The following GLIS3 variants were observed in gnomAD, a reference collection of about 807,000 sequenced individuals.
GLIS3 encodes the protein GLIS family zinc finger 3.
In GLIS3, 53 loss-of-function variants were observed where a neutral mutation model predicts 78.6. The observed-to-expected ratio is 0.67, with a 90% CI of 0.54 to 0.85. GLIS3 has a LOEUF of 0.85. Among genes scored for constraint, GLIS3 ranks in the 40% least tolerant of loss-of-function variants. GLIS3 has a pLI of 0.00. For missense variants in GLIS3, 1,703 were observed against 1,231.1 expected (o/e 1.38, Z -5.74); for synonymous variants, 684 against 509.9 (o/e 1.34, Z -4.60).
chr9:4,189,848 G>C (rs1818165779), intron 2 of GLIS3, among the ~76,000 whole-genome samples: 1 of 151,758 alleles, frequency 6.6e-6, no homozygotes, highest in African/African-American at 2.4e-5. Flanking sequence ...CCATTTGCTT[G>C]GTAGATCTTC....
the GLIS3 span, among the ~76,000 whole-genome samples, chr9:4,397,089 G>C: frequency 8.5e-4 from 118 of 138,358 alleles, 1 homozygote; most frequent in African/African-American, 3.1e-3. Flanking sequence ...GCAGTGGCGC[G>C]ATCTTGGCTC....
chr9:3,971,979 C>T (rs887874305), intron 4 of GLIS3, among the ~76,000 whole-genome samples: 4 of 152,072 alleles, frequency 2.6e-5, no homozygotes, highest in Non-Finnish European at 4.4e-5. Context: ...GGAAAGATCC[C>T]GCTATTTGTG....
upstream of GLIS3, among the ~76,000 whole-genome samples, chr9:4,353,137 G>A (rs190073153): frequency 6.6e-6 from 1 of 152,200 alleles, no homozygotes; most frequent in East Asian, 1.9e-4. Flanking sequence ...CGAAATTTCT[G>A]TTGCTCTGAG....
the GLIS3 span, among the ~76,000 whole-genome samples, chr9:4,374,929 G>A: frequency 6.6e-6 from 1 of 152,008 alleles, no homozygotes; most frequent in East Asian, 1.9e-4. Context: ...TTTCTATGTG[G>A]TGAAATATTA....
rs1817678829 is a variant in GLIS3, at chr9:3,825,502, G to C, written c.*2770C>G. 1 of 151,762 alleles carries C rather than the reference G, an allele frequency of 6.6e-6. No individual in the cohort carries two copies. The highest frequency in any genetic ancestry group is 2.4e-5 in the African/African-American group (1 of 41,290). The allele number at this position is 151,762 out of a possible 1,614,324, so 9.4% of individuals were successfully genotyped here. A position where few individuals can be genotyped will look rare whatever the true frequency, so the allele number is the denominator to read the frequency against. ...TTCACAAGCACTAGTTTTGTGTTTT[G>C]TTTCTGTTTTTAAGGGGAATGACAA... is the stretch of plus-strand genomic sequence containing the variant. On this transcript the variant is annotated 3_prime_UTR_variant, in exon 11 of 11. Transcript: ENST00000381971.
intron 2 of GLIS3, among the ~76,000 whole-genome samples, chr9:4,335,129 T>C (rs955481853): frequency 5.3e-5 from 8 of 152,032 alleles, no homozygotes; most frequent in Admixed American, 5.2e-4. Flanking sequence ...AGGATGGTCT[T>C]GATCTCCTGA....
At chr9:4,450,018 G>A in the GLIS3 span, among the ~76,000 whole-genome samples, 37 of 152,270 alleles carry the variant, frequency 2.4e-4, no homozygotes, top group African/African-American at 7.9e-4. Context: ...ACAGAAGTAT[G>A]CTTCAGAAGG....
intron 2 of GLIS3, among the ~76,000 whole-genome samples, chr9:4,234,777 A>G (rs1822563519): frequency 1.3e-5 from 2 of 152,180 alleles, no homozygotes; most frequent in South Asian, 4.1e-4. Flanking sequence ...GTATGCTTGT[A>G]TTTGTGTGTT....
intron 4 of GLIS3, among the ~76,000 whole-genome samples, chr9:4,048,029 TG>T (rs1474419348): frequency 6.6e-6 from 1 of 152,084 alleles, no homozygotes; most frequent in Non-Finnish European, 1.5e-5. Flanking sequence ...GCTTAGGCAG[TG>T]GGGAAAGGGG....
the GLIS3 span, among the ~76,000 whole-genome samples, chr9:4,423,179 A>G: frequency 6.6e-6 from 1 of 152,042 alleles, no homozygotes. Context: ...TGCCTTTTAA[A>G]CAACAAGTGC....
chr9:4,079,854 A>G (rs1828400846), intron 4 of GLIS3, among the ~76,000 whole-genome samples: 1 of 152,212 alleles, frequency 6.6e-6, no homozygotes, highest in Non-Finnish European at 1.5e-5. Context: ...AGAGCTACTG[A>G]TAAGTAAACA....
intron 4 of GLIS3, among the ~76,000 whole-genome samples, chr9:4,069,764 T>C (rs1358048338): frequency 6.6e-6 from 1 of 152,108 alleles, no homozygotes; most frequent in Middle Eastern, 3.2e-3. Flanking sequence ...TGTTTTGTTA[T>C]TTTGCCAAAG....
chr9:4,455,669 T>A, the GLIS3 span, among the ~76,000 whole-genome samples: 1 of 152,188 alleles, frequency 6.6e-6, no homozygotes, highest in Non-Finnish European at 1.5e-5. Flanking sequence ...AAGTGATCAA[T>A]AATGGGACAT....
Position 3,826,028 on chromosome 9 carries a change from G to C in GLIS3, c.*2244C>G, listed in dbSNP as rs1284521807. The C allele has an allele frequency of 6.6e-6, 1 of 152,210 alleles. No homozygotes were observed. Among genetic ancestry groups the C allele is most frequent in the Admixed American group, 6.5e-5 (1 of 15,278 alleles). 9.4% of individuals were successfully genotyped at this position (152,210 alleles called of 1,614,324 possible). On this transcript the variant is annotated 3_prime_UTR_variant, in exon 11 of 11. Coordinates refer to ENST00000381971, the MANE Select transcript of GLIS3 (RefSeq NM_001042413.2). ...AAGACTGGAGCCTGGTTCACAAGCA[G>C]CTCCTCTCAAAGAGGGAGGTGATGT...
chr9:3,971,744 A>G (rs926253255), intron 4 of GLIS3, among the ~76,000 whole-genome samples: 1 of 152,180 alleles, frequency 6.6e-6, no homozygotes, highest in African/African-American at 2.4e-5. Context: ...TTTGAAAAGC[A>G]CTGTCTTGTA....
intron 4 of GLIS3, chr9:4,305,287 T>C (rs1817199871): frequency 6.6e-6 from 1 of 152,242 alleles, no homozygotes. Flanking sequence ...GAGTGGACTT[T>C]GGAATCAGAA....
At chr9:4,069,104 C>A (rs532848645) in intron 4 of GLIS3, among the ~76,000 whole-genome samples, 91 of 152,234 alleles carry the variant, frequency 6.0e-4, no homozygotes, top group African/African-American at 1.6e-3. Flanking sequence ...TTTTATGAAG[C>A]CTTGAGGGCC....
At chr9:4,478,823 G>A in the GLIS3 span, among the ~76,000 whole-genome samples, 1 of 152,150 alleles carries the variant, frequency 6.6e-6, no homozygotes, top group Non-Finnish European at 1.5e-5. Flanking sequence ...ACCAATAGAT[G>A]CTAAAACCAT....
chr9:4,046,673 C>T (rs1588531053), intron 4 of GLIS3, among the ~76,000 whole-genome samples: 1 of 152,304 alleles, frequency 6.6e-6, no homozygotes, highest in Middle Eastern at 3.4e-3. Context: ...TCTAGCGTTG[C>T]ATTTTTTGAG....
Sources: allele counts gnomAD v4.1 joint callset (sites outside exome capture counted in the v4.1 genomes callset), GRCh38; gene constraint gnomAD v4.1.1; transcripts MANE v1.5; gene names NCBI Gene and HGNC (gene_info 2026-07-23, HGNC 2026-07-21).